LRRC4C: variants seen among roughly 807,000 people sequenced by gnomAD.
LRRC4C encodes leucine-rich repeat-containing protein 4C.
Under a neutral mutation model 33.6 loss-of-function variants are expected in LRRC4C, and 5 were observed. The observed-to-expected ratio is 0.15, with a 90% confidence interval of 0.08 to 0.31. The LOEUF (loss-of-function observed/expected upper bound fraction) is 0.31, where lower values mean the gene tolerates loss of function less well. LRRC4C is among the 10% of genes least tolerant of loss of function. LRRC4C has a pLI of 1.00. For missense variants in LRRC4C, 560 were observed against 796.7 expected, an observed-to-expected ratio of 0.70 and a Z score of 3.58; for synonymous variants, 329 against 302.0, an observed-to-expected ratio of 1.09 and a Z score of -0.93.
chr11:40,430,698 T>C (rs1240473105), intron 3 of LRRC4C, among the ~76,000 whole-genome samples: 2 of 152,052 alleles, frequency 1.3e-5, no homozygotes, highest in African/African-American at 4.8e-5. Context: ...ACTGACAACC[T>C]TGCCTTCTAT....
At chr11:40,255,298 A>T (rs1867116921) in intron 4 of LRRC4C, among the ~76,000 whole-genome samples, 6 of 152,084 alleles carry the variant, frequency 3.9e-5, no homozygotes, top group Admixed American at 3.9e-4. Context: ...AGAGCATTTC[A>T]AGCAGAGGAA....
intron 1 of LRRC4C, among the ~76,000 whole-genome samples, chr11:41,384,312 T>A (rs754968792): frequency 3.9e-5 from 6 of 151,968 alleles, no homozygotes; most frequent in Non-Finnish European, 7.4e-5. Flanking sequence ...TTTATTTAGT[T>A]GTATTTTTAT....
chr11:41,156,206 A>C (rs1369091530), intron 1 of LRRC4C, among the ~76,000 whole-genome samples: 1 of 152,104 alleles, frequency 6.6e-6, no homozygotes, highest in Non-Finnish European at 1.5e-5. Flanking sequence ...GCAGGATAGA[A>C]GGGCTCTTGA....
chr11:41,057,528 C>T (rs1197860955), intron 1 of LRRC4C, among the ~76,000 whole-genome samples: 1 of 152,184 alleles, frequency 6.6e-6, no homozygotes, highest in Non-Finnish European at 1.5e-5. Context: ...GGCTGCCAGT[C>T]CCACAGACCA....
At chr11:40,953,647 C>A (rs1958821395) in intron 1 of LRRC4C, among the ~76,000 whole-genome samples, 1 of 151,698 alleles carries the variant, frequency 6.6e-6, no homozygotes. Flanking sequence ...AAATGATGTT[C>A]ATTACATCAA....
chr11:40,316,528 T>C (rs1565265596), intron 4 of LRRC4C, among the ~76,000 whole-genome samples: 1 of 152,024 alleles, frequency 6.6e-6, no homozygotes, highest in African/African-American at 2.4e-5. Flanking sequence ...TAAATTCAGA[T>C]AGGACAAAAA....
Position 40,115,463 on chromosome 11 carries a change from T to C in LRRC4C, c.830A>G (p.Asn277Ser). 6.2e-7 allele frequency: 1 copy of C among 1,614,182 alleles called. No homozygotes were observed. ...GTCATGAGGCAGTAATGTTAGATTA[T>C]TGTGTGCCAGGTTGATCTCCACTAG... ...QSLVEINLAH[N>S]NLTLLPHDLF... is the part of the protein sequence containing the mutation. The change falls in exon 7 of 7, where the codon AAT becomes AGT. Residue 277 changes from asparagine to serine, a missense_variant. Around this residue, in one of 3 missense-constraint regions of LRRC4C, gnomAD observed 455 missense variants for 643.8 expected, o/e 0.71. Coordinates refer to ENST00000528697, the MANE Select transcript of LRRC4C (RefSeq NM_001258419.2). The surrounding 1 kb of genome is among the most constrained non-coding windows in gnomAD (Gnocchi z 6.7).
chr11:40,640,393 C>G (rs527672348), intron 3 of LRRC4C, among the ~76,000 whole-genome samples: 1 of 152,102 alleles, frequency 6.6e-6, no homozygotes, highest in Non-Finnish European at 1.5e-5. Flanking sequence ...TGTCTTTTCT[C>G]ATGAACTATT....
chr11:40,726,211 T>C (rs11821921), intron 2 of LRRC4C, among the ~76,000 whole-genome samples: 3,606 of 151,782 alleles, frequency 0.024, 150 homozygotes, highest in African/African-American at 0.082. Context: ...ATAGCCAAAT[T>C]CTACTAGATG....
At chr11:40,495,560 G>A (rs571468655) in intron 3 of LRRC4C, among the ~76,000 whole-genome samples, 7 of 152,192 alleles carry the variant, frequency 4.6e-5, no homozygotes, top group African/African-American at 1.4e-4. Context: ...GAAGATGTGT[G>A]TGGAAGGAAG....
chr11:40,696,748 G>GTGTATATA (rs368234307), intron 2 of LRRC4C, among the ~76,000 whole-genome samples: 7,827 of 125,576 alleles, frequency 0.062, 309 homozygotes, highest in South Asian at 0.083. Flanking sequence ...TATACACTGT[G>GTGTATATA]TATATATATA....
At chr11:41,119,019 G>A (rs1942287358) in intron 1 of LRRC4C, among the ~76,000 whole-genome samples, 1 of 151,496 alleles carries the variant, frequency 6.6e-6, no homozygotes, top group Non-Finnish European at 1.5e-5. Context: ...CAATACTATA[G>A]GTGATTAACT....
At chr11:40,644,231 C>A (rs922863686) in intron 3 of LRRC4C, among the ~76,000 whole-genome samples, 3 of 152,034 alleles carry the variant, frequency 2.0e-5, no homozygotes, top group Non-Finnish European at 4.4e-5. Flanking sequence ...AATAGCATGG[C>A]CGTAAAGCGC....
At chr11:40,985,885 T>C (rs1403580772) in intron 1 of LRRC4C, among the ~76,000 whole-genome samples, 1 of 152,152 alleles carries the variant, frequency 6.6e-6, no homozygotes, top group Non-Finnish European at 1.5e-5. Context: ...AAAACTGTGC[T>C]GTTGTTAAGA....
chr11:40,509,056 C>T (rs558831959), intron 3 of LRRC4C, among the ~76,000 whole-genome samples: 1 of 152,188 alleles, frequency 6.6e-6, no homozygotes, highest in South Asian at 2.1e-4. Context: ...ATCCATTGAA[C>T]CAGCATTTCC....
intron 4 of LRRC4C, among the ~76,000 whole-genome samples, chr11:40,265,906 T>C (rs1482548183): frequency 1.3e-5 from 2 of 152,252 alleles, no homozygotes; most frequent in Non-Finnish European, 2.9e-5. Context: ...TGACAGATTT[T>C]AAACAGATAT....
At chr11:40,714,498 G>A (rs1489281507) in intron 2 of LRRC4C, among the ~76,000 whole-genome samples, 1 of 152,134 alleles carries the variant, frequency 6.6e-6, no homozygotes, top group Non-Finnish European at 1.5e-5. Context: ...TAAATCAATT[G>A]TTTGCAGTTG....
intron 1 of LRRC4C, among the ~76,000 whole-genome samples, chr11:41,039,134 T>G (rs977988753): frequency 6.6e-6 from 1 of 152,194 alleles, no homozygotes; most frequent in African/African-American, 2.4e-5. Flanking sequence ...TCTAGTTTCA[T>G]TCTTCTGCAT....
chr11:40,632,781 G>A (rs1963579417), intron 3 of LRRC4C, among the ~76,000 whole-genome samples: 1 of 152,134 alleles, frequency 6.6e-6, no homozygotes, highest in Non-Finnish European at 1.5e-5. Flanking sequence ...GTGAGTATGT[G>A]CTTGCTGGTT....
Sources: gnomAD v4.1 joint callset for allele counts (sites outside exome capture counted in the v4.1 genomes callset) on GRCh38, gnomAD v4.1.1 for gene constraint, gnomAD v4.1.1 regional missense constraint, Gnocchi (gnomAD v3.1) non-coding constraint, MANE v1.5 for transcripts, NCBI Gene and HGNC (gene_info 2026-07-23, HGNC 2026-07-21) for gene names.